CUX1: variants seen among roughly 807,000 people sequenced by gnomAD.
CUX1 encodes the protein protein CASP.
A neutral mutation model predicts 158.8 loss-of-function variants in CUX1; 31 were observed. That is an observed-to-expected ratio of 0.20 (90% CI 0.15 to 0.26). The LOEUF is 0.26. Ranked by LOEUF, CUX1 falls within the 10% of genes least tolerant of loss-of-function variation. CUX1 has a pLI of 1.00. For missense variants in CUX1, 1,589 were observed against 2,014.6 expected (o/e 0.79, Z 4.04); for synonymous variants, 879 against 862.1 (o/e 1.02, Z -0.34).
chr7:102,239,594 C>T lies in CUX1; in HGVS notation c.3887+10C>T, dbSNP rs1554534158. ...GGTTCCACAACTACAGGTACGACGGCTGGCTCACAGGGAGCGCCGGTCGGC... is the reference window on the plus strand; with the variant it reads ...GGTTCCACAACTACAGGTACGACGGTTGGCTCACAGGGAGCGCCGGTCGGC... On this transcript the variant is annotated intron_variant, in intron 23 of 23. Coordinates refer to ENST00000292535, the MANE Select transcript of CUX1 (RefSeq NM_181552.4). 1 of 1,607,606 alleles carries T rather than the reference C, an allele frequency of 6.2e-7. No homozygotes were observed. Among genetic ancestry groups the T allele is most frequent in the South Asian group, 1.1e-5 (1 of 90,866 alleles).
rs1312838810 is a variant in CUX1, at chr7:102,257,160, G to T, written c.*8118G>T. The stretch of plus-strand genomic sequence containing the variant: ...AAACTTACCCCAGGCCAAGGCAAGG[G>T]CCCTGCTCACCCCAAGGTAGGCTGG... On this transcript the variant is annotated 3_prime_UTR_variant, in exon 24 of 24. Coordinates refer to ENST00000292535, the MANE Select transcript of CUX1 (RefSeq NM_181552.4). 6 of 985,240 alleles carry T rather than the reference G, an allele frequency of 6.1e-6. No homozygotes were observed. The highest frequency in any genetic ancestry group is 6.0e-6 in the Non-Finnish European group (5 of 829,930). The allele number at this position is 985,240 out of a possible 1,614,324, so 61.0% of individuals were successfully genotyped here. A position where few individuals can be genotyped will look rare whatever the true frequency, so the allele number is the denominator to read the frequency against.
chr7:101,861,550 C>T (rs956952536), intron 1 of CUX1, among the ~76,000 whole-genome samples: 1 of 149,140 alleles, frequency 6.7e-6, no homozygotes, highest in African/African-American at 2.5e-5. Flanking sequence ...CCTGGGTGCC[C>T]CTGTCTACTG....
intron 8 of CUX1, among the ~76,000 whole-genome samples, chr7:102,128,637 G>A (rs1832902640): frequency 6.6e-6 from 1 of 151,732 alleles, no homozygotes; most frequent in Non-Finnish European, 1.5e-5. Flanking sequence ...CATGAATTAT[G>A]TAACCTCAAG....
At chr7:102,138,688 C>A (rs1408453723) in intron 8 of CUX1, among the ~76,000 whole-genome samples, 1 of 152,174 alleles carries the variant, frequency 6.6e-6, no homozygotes, top group African/African-American at 2.4e-5. Flanking sequence ...TACTCTGGAC[C>A]TACAAATTCC....
At chr7:102,130,139 T>C (rs907843975) in intron 8 of CUX1, among the ~76,000 whole-genome samples, 4 of 152,178 alleles carry the variant, frequency 2.6e-5, no homozygotes, top group Non-Finnish European at 5.9e-5. Context: ...GTGTCTCATA[T>C]TTCCTCGCCA....
intron 20 of CUX1, 56 bp from the exon 21 acceptor site, chr7:102,227,311 G>A (rs2132346911): frequency 2.1e-6 from 3 of 1,462,894 alleles, no homozygotes; most frequent in Middle Eastern, 1.8e-4. Flanking sequence ...AACGTAGATG[G>A]TCGTGGTAAA....
At chr7:102,190,803 C>T (rs1174238761) in intron 12 of CUX1, among the ~76,000 whole-genome samples, 1 of 152,128 alleles carries the variant, frequency 6.6e-6, no homozygotes, top group East Asian at 1.9e-4. Context: ...AGACTCCCGC[C>T]TCTGGTCTTG....
At chr7:102,087,587 A>T (rs1828078030) in intron 4 of CUX1, among the ~76,000 whole-genome samples, 1 of 152,206 alleles carries the variant, frequency 6.6e-6, no homozygotes, top group African/African-American at 2.4e-5. Flanking sequence ...TCTCAAAAAA[A>T]AAGTGAAAAG....
chr7:102,204,491 A>G lies in CUX1; in HGVS notation c.3008A>G (p.Gln1003Arg). ...QKGREPFIRM[Q>R]LWLNGELGQG... ...GGCCGAGAACCCTTCATCCGGATGC[A>G]GCTCTGGCTGAACGGCGAGCTAGGC... Residue 1003 changes from glutamine (Q) to arginine (R), a missense_variant, in exon 19 of 24, where the codon CAG (glutamine) becomes CGG (arginine). Gln to Arg is a conservative substitution (Grantham distance 43). Transcript: ENST00000292535. 6.2e-7 allele frequency: 1 copy of G among 1,613,784 alleles called. No homozygotes were observed. Among genetic ancestry groups the G allele is most frequent in the Non-Finnish European group, 8.5e-7 (1 of 1,180,030 alleles).
intron 14 of CUX1, among the ~76,000 whole-genome samples, chr7:102,269,826 C>T (rs1041378719): frequency 8.1e-5 from 12 of 148,928 alleles, no homozygotes; most frequent in Non-Finnish European, 1.3e-4. Flanking sequence ...CATGCCCCCC[C>T]CAAACGCTTC....
chr7:101,949,650 C>G (rs1406341832), intron 2 of CUX1, among the ~76,000 whole-genome samples: 2 of 151,930 alleles, frequency 1.3e-5, no homozygotes, highest in Non-Finnish European at 2.9e-5. Flanking sequence ...CGTGCCTCAG[C>G]CTCTCAAGTA....
chr7:101,982,732 T>C (rs543175318), intron 2 of CUX1, among the ~76,000 whole-genome samples: 1 of 152,110 alleles, frequency 6.6e-6, no homozygotes, highest in Non-Finnish European at 1.5e-5. Flanking sequence ...CTTTTTTTTT[T>C]TTATTATACT....
chr7:102,262,393 A>G (rs967988346), downstream of CUX1, among the ~76,000 whole-genome samples: 2 of 6,106 alleles, frequency 3.3e-4, no homozygotes, highest in African/African-American at 1.0e-3. Flanking sequence ...GCAAGACTCC[A>G]TCATGGATGG....
At chr7:101,851,439 T>A (rs921083165) in intron 1 of CUX1, among the ~76,000 whole-genome samples, 1 of 152,150 alleles carries the variant, frequency 6.6e-6, no homozygotes, top group Non-Finnish European at 1.5e-5. Flanking sequence ...GTGTACGCCA[T>A]GGCTTTGTTC....
intron 4 of CUX1, among the ~76,000 whole-genome samples, chr7:102,081,628 C>T (rs895535499): frequency 6.8e-6 from 1 of 146,774 alleles, no homozygotes; most frequent in Non-Finnish European, 1.5e-5. Flanking sequence ...TACGCAGTCT[C>T]AGGTATTTCT....
chr7:102,131,269 C>CT (rs1778498939), intron 8 of CUX1, among the ~76,000 whole-genome samples: 1 of 152,018 alleles, frequency 6.6e-6, no homozygotes, highest in African/African-American at 2.4e-5. Flanking sequence ...GTGGCTAATT[C>CT]TTTTTTTATG....
At chr7:102,011,123 A>T (rs1002033338) in intron 2 of CUX1, among the ~76,000 whole-genome samples, 6 of 150,378 alleles carry the variant, frequency 4.0e-5, no homozygotes, top group African/African-American at 7.3e-5. Context: ...CAGAAAAATA[A>T]AAAAAAAAAG....
intron 2 of CUX1, among the ~76,000 whole-genome samples, chr7:101,955,380 T>C (rs906931066): frequency 2.0e-5 from 3 of 152,228 alleles, no homozygotes; most frequent in Admixed American, 1.3e-4. Flanking sequence ...TATTCTCTCA[T>C]TCAGTCTTTA....
At chr7:101,895,908 G>GTTTTTTT (rs869038068) in intron 1 of CUX1, among the ~76,000 whole-genome samples, 3 of 93,996 alleles carry the variant, frequency 3.2e-5, no homozygotes, top group Non-Finnish European at 6.7e-5. Flanking sequence ...TTTTGTTTTT[G>GTTTTTTT]TTTTTTTTTT....
Sources: allele counts gnomAD v4.1 joint callset (sites outside exome capture counted in the v4.1 genomes callset), GRCh38; gene constraint gnomAD v4.1.1; transcripts MANE v1.5; gene names NCBI Gene and HGNC (gene_info 2026-07-23, HGNC 2026-07-21).